The following FAM78B variants were observed in gnomAD, a reference collection of about 807,000 sequenced individuals.
FAM78B encodes the protein protein FAM78B.
FAM78B carries 10 observed loss-of-function variants against 20.0 expected under a neutral mutation model. That is an observed-to-expected ratio of 0.50 (90% confidence interval 0.31 to 0.85). FAM78B has a LOEUF of 0.85. Among genes scored for constraint, FAM78B ranks in the 40% least tolerant of loss-of-function variants. The probability of loss-of-function intolerance (pLI) is 0.05; values close to 1 mark genes in which losing one functional copy is unlikely to be tolerated. For synonymous variants in FAM78B, 135 were observed against 132.8 expected, an observed-to-expected ratio of 1.02 and a Z score of -0.12; for missense variants, 283 against 345.0, an observed-to-expected ratio of 0.82 and a Z score of 1.42.
intron 1 of FAM78B, among the ~76,000 whole-genome samples, chr1:166,072,400 C>G (rs1292727448): frequency 6.6e-6 from 1 of 152,186 alleles, no homozygotes; most frequent in Non-Finnish European, 1.5e-5. Context: ...TCATGGTTGG[C>G]AGACACTAAG....
intron 1 of FAM78B, among the ~76,000 whole-genome samples, chr1:166,111,991 CTTTAT>C (rs1049903710): frequency 2.0e-5 from 3 of 152,168 alleles, no homozygotes; most frequent in African/African-American, 7.2e-5. Flanking sequence ...GTCACGTTTT[CTTTAT>C]TTTAACATCA....
At chr1:166,130,846 A>G (rs1654846189) in intron 1 of FAM78B, among the ~76,000 whole-genome samples, 1 of 152,112 alleles carries the variant, frequency 6.6e-6, no homozygotes, top group Admixed American at 6.5e-5. Context: ...GTACATCTGC[A>G]CAGCCAGACA....
chr1:166,066,103 C>T (rs1037419310), downstream of FAM78B, among the ~76,000 whole-genome samples: 3 of 152,166 alleles, frequency 2.0e-5, no homozygotes, highest in Admixed American at 6.5e-5. Context: ...TGTTGAGGGA[C>T]GGCGGGTGGC....
chr1:166,105,782 G>A (rs968531106), intron 1 of FAM78B, among the ~76,000 whole-genome samples: 1 of 151,790 alleles, frequency 6.6e-6, no homozygotes, highest in African/African-American at 2.4e-5. Flanking sequence ...TTCAACCATT[G>A]TGGAAGTCAG....
At chr1:166,091,626 T>C (rs1335868138) in intron 1 of FAM78B, among the ~76,000 whole-genome samples, 1 of 152,172 alleles carries the variant, frequency 6.6e-6, no homozygotes, top group Non-Finnish European at 1.5e-5. Context: ...CTAATACAGA[T>C]GGTATCTCAA....
chr1:166,137,360 C>T (rs531958919), intron 1 of FAM78B, among the ~76,000 whole-genome samples: 25 of 152,252 alleles, frequency 1.6e-4, no homozygotes, highest in Non-Finnish European at 1.8e-4. Flanking sequence ...GTCCACCATC[C>T]GCCATATTTT....
chr1:166,153,270 T>C (rs535686789), intron 1 of FAM78B, among the ~76,000 whole-genome samples: 25 of 152,114 alleles, frequency 1.6e-4, no homozygotes, highest in Admixed American at 1.1e-3. Context: ...GGAGCACAAG[T>C]CAGGGAGTCA....
intron 1 of FAM78B, among the ~76,000 whole-genome samples, chr1:166,079,671 G>A (rs1259552722): frequency 1.3e-5 from 2 of 152,186 alleles, no homozygotes; most frequent in African/African-American, 2.4e-5. Context: ...AAACTTTGAG[G>A]AGTCCAAGAA....
chr1:166,130,981 CTTTTTTTTTTTT>C (rs869158425), intron 1 of FAM78B, among the ~76,000 whole-genome samples: 1 of 114,066 alleles, frequency 8.8e-6, no homozygotes, highest in Non-Finnish European at 1.8e-5. Flanking sequence ...TCCCCAGGTG[CTTTTTTTTTTTT>C]TTTTTTTTTT....
chr1:166,163,121 T>C (rs1557924046), intron 1 of FAM78B, among the ~76,000 whole-genome samples: 2 of 152,232 alleles, frequency 1.3e-5, no homozygotes. Context: ...ATTTGGTAAA[T>C]GTTTGTATAT....
chr1:166,153,981 A>G (rs1655792953), intron 1 of FAM78B, among the ~76,000 whole-genome samples: 1 of 152,170 alleles, frequency 6.6e-6, no homozygotes, highest in Non-Finnish European at 1.5e-5. Flanking sequence ...GAAATGCCTC[A>G]ATAAAACAAA....
At chr1:166,163,186 G>A (rs992408061) in intron 1 of FAM78B, among the ~76,000 whole-genome samples, 1 of 152,190 alleles carries the variant, frequency 6.6e-6, no homozygotes. Flanking sequence ...ATGAAGACTT[G>A]CAGCAGTCTG....
chr1:166,057,437 T>C (rs1651393188), exon 3 of FAM78B: 1 of 151,218 alleles, frequency 6.6e-6, no homozygotes, highest in South Asian at 2.1e-4. Context: ...TTTGTTGTTG[T>C]TGTTGAATAC....
chr1:166,071,661 C>T (rs1652038032), intron 1 of FAM78B, among the ~76,000 whole-genome samples: 1 of 152,218 alleles, frequency 6.6e-6, no homozygotes, highest in Non-Finnish European at 1.5e-5. Flanking sequence ...CAAAATACTC[C>T]ACAAGATAAA....
At position 166,166,377 on chromosome 1, in the gene FAM78B, G is replaced by A. The variant is rs1002957938; in HGVS notation, c.-129C>T. 1 of 851,020 alleles carries A rather than the reference G, an allele frequency of 1.2e-6. No individual in the cohort carries two copies. The highest frequency in any genetic ancestry group is 1.4e-6 in the Non-Finnish European group (1 of 697,626). The allele number at this position is 851,020 out of a possible 1,614,324, so 52.7% of individuals were successfully genotyped here. A position where few individuals can be genotyped will look rare whatever the true frequency, so the allele number is the denominator to read the frequency against. ...CCGGTCAGACTCAGCTCGCACCTAGGAGCGGGGAGCCGCCGGGCATCCTTG... is the reference window on the plus strand; with the variant it reads ...CCGGTCAGACTCAGCTCGCACCTAGAAGCGGGGAGCCGCCGGGCATCCTTG... On this transcript the variant is annotated 5_prime_UTR_variant, in exon 1 of 2. Transcript: ENST00000354422.
chr1:166,085,737 T>C (rs1301068070), intron 1 of FAM78B, among the ~76,000 whole-genome samples: 1 of 152,124 alleles, frequency 6.6e-6, no homozygotes, highest in Non-Finnish European at 1.5e-5. Context: ...AGAAAGAACA[T>C]AACCGACAGG....
chr1:166,158,608 G>A (rs1430666510), intron 1 of FAM78B, among the ~76,000 whole-genome samples: 2 of 151,980 alleles, frequency 1.3e-5, no homozygotes, highest in African/African-American at 2.4e-5. Context: ...GACGTTCCTC[G>A]ATCTGGACAA....
In FAM78B at chr1:166,098,100, C is replaced by T. The variant is rs535557602; in HGVS notation, c.264-27337G>A. On this transcript the variant is annotated intron_variant, in intron 1 of 1. Coordinates refer to ENST00000354422, the MANE Select transcript of FAM78B (RefSeq NM_001017961.5). ...GTACCAACCTGGAGCCGGGTAGACT[C>T]GCTGGGTGGCTAGACCCAGAAGAGA... 1.6e-4 allele frequency among the ~76,000 whole-genome samples: 25 copies of T among 152,104 alleles called. No homozygotes were observed. The East Asian group carries it at 1.7e-3, about 11-fold the overall frequency.
At chr1:166,103,297 G>C (rs1398794578) in intron 1 of FAM78B, among the ~76,000 whole-genome samples, 1 of 152,292 alleles carries the variant, frequency 6.6e-6, no homozygotes, top group Middle Eastern at 3.4e-3. Context: ...AAAAGAACTA[G>C]AGAAGCAAGG....
Sources: gnomAD v4.1 joint callset for allele counts (sites outside exome capture counted in the v4.1 genomes callset) on GRCh38, gnomAD v4.1.1 for gene constraint, MANE v1.5 for transcripts, NCBI Gene and HGNC (gene_info 2026-07-23, HGNC 2026-07-21) for gene names.